Variants in WNT8B observed in about 807,000 individuals in gnomAD.
The protein encoded by WNT8B is protein Wnt-8b.
A neutral mutation model predicts 36.6 loss-of-function variants in WNT8B; 24 were observed. The ratio of observed to expected loss-of-function variants is 0.66; its 90% CI spans 0.48 to 0.92. WNT8B has a LOEUF of 0.92. WNT8B is among the 40% of genes least tolerant of loss of function. The pLI, the probability that WNT8B is intolerant of heterozygous loss-of-function variation, is 0.00. For synonymous variants in WNT8B, 199 were observed against 189.8 expected (o/e 1.05, Z -0.40); for missense variants, 402 against 470.8 (o/e 0.85, Z 1.35).
intron 1 of WNT8B, among the ~76,000 whole-genome samples, chr10:100,466,947 A>T (rs1185812058): frequency 6.6e-6 from 1 of 151,594 alleles, no homozygotes; most frequent in East Asian, 1.9e-4. Context: ...AATTTTTCTT[A>T]GGATAAATCT....
intron 1 of WNT8B, among the ~76,000 whole-genome samples, chr10:100,464,815 A>G (rs1024772106): frequency 5.9e-5 from 9 of 152,254 alleles, no homozygotes; most frequent in Admixed American, 5.2e-4. Context: ...GCTTTTTCCT[A>G]TAAGCCCCAA....
chr10:100,480,859 AAAT>A (rs1851101027), intron 3 of WNT8B, 136 bp from the exon 4 acceptor site: 1 of 1,073,182 alleles, frequency 9.3e-7, no homozygotes, highest in South Asian at 1.8e-5. Flanking sequence ...AAAAGTTAAA[AAAT>A]AATAATAAAG....
chr10:100,471,975 A>G (rs1460110941), intron 1 of WNT8B, among the ~76,000 whole-genome samples: 4 of 151,944 alleles, frequency 2.6e-5, no homozygotes, highest in Middle Eastern at 3.2e-3. Flanking sequence ...TGGGCAGATC[A>G]CTTGAGGTCA....
At chr10:100,479,795 C>T in intron 2 of WNT8B, 79 bp from the exon 3 acceptor site, 6 of 1,538,126 alleles carry the variant, frequency 3.9e-6, no homozygotes, top group Non-Finnish European at 5.3e-6. Context: ...GGAGAGTGAG[C>T]AGGAAGAGGG....
At chr10:100,480,644 G>A (rs995857403) in intron 3 of WNT8B, among the ~76,000 whole-genome samples, 1 of 152,254 alleles carries the variant, frequency 6.6e-6, no homozygotes, top group South Asian at 2.1e-4. Context: ...GACCTGAAAA[G>A]ACAGGAGGTG....
chr10:100,480,848 T>A lies in WNT8B; in HGVS notation c.242-150T>A, dbSNP rs1452447423. 3.0e-6 allele frequency: 3 copies of A among 1,007,542 alleles called. No individual in the cohort carries two copies. In the East Asian group the frequency reaches 8.3e-5, roughly 28 times the overall value. 62.4% of individuals were successfully genotyped at this position (1,007,542 alleles called of 1,614,324 possible). On this transcript the variant is annotated intron_variant, in intron 3 of 5. Coordinates refer to ENST00000343737, the MANE Select transcript of WNT8B (RefSeq NM_003393.4). ...GTGAGACCGACTCTCTGCAAAAAAA[T>A]AAAAGTTAAAAAATAATAATAAAGA...
intron 2 of WNT8B, 114 bp from the exon 3 acceptor site, chr10:100,479,760 C>A: frequency 7.5e-7 from 1 of 1,332,318 alleles, no homozygotes; most frequent in Non-Finnish European, 1.0e-6. Context: ...TATTTAAAGG[C>A]TTACTCCATT....
rs1851147231 is a variant in WNT8B at position 100,483,474 on chromosome 10, TATCATGA to T, written c.*661_*667del. On this transcript the variant is annotated 3_prime_UTR_variant, in exon 6 of 6. Transcript: ENST00000343737. ...GGTGCTACTCATCCCTATGGTATCA[TATCATGA>T]ATGGACTTTACTAGTGGGGCAATGA... is the stretch of plus-strand genomic sequence containing the variant. 1 of 152,194 alleles carries T rather than the reference TATCATGA, an allele frequency of 6.6e-6. No homozygotes were observed. Among genetic ancestry groups the T allele is most frequent in the South Asian group, 2.1e-4 (1 of 4,834 alleles). 9.4% of individuals were successfully genotyped at this position (152,194 alleles called of 1,614,324 possible). A position where few individuals can be genotyped will look rare whatever the true frequency, so the allele number is the denominator to read the frequency against.
At chr10:100,475,004 G>A (rs1487051102) in intron 1 of WNT8B, among the ~76,000 whole-genome samples, 1 of 152,134 alleles carries the variant, frequency 6.6e-6, no homozygotes, top group Non-Finnish European at 1.5e-5. Flanking sequence ...ACTTTGGGAT[G>A]TCAAGGTGGG....
At chr10:100,480,114 C>G (rs771534114) in intron 3 of WNT8B, 102 bp downstream of exon 3, 4 of 1,384,470 alleles carry the variant, frequency 2.9e-6, no homozygotes, top group African/African-American at 2.9e-5. Context: ...CTCACCTGCT[C>G]TCTTCTCTTA....
At position 100,479,066 on chromosome 10, in the gene WNT8B, T is replaced by A; in HGVS notation, c.83T>A (p.Phe28Tyr). The A allele has an allele frequency of 6.2e-7, 1 of 1,602,400 alleles. No homozygotes were observed. Among genetic ancestry groups the A allele is most frequent in the Non-Finnish European group, 8.5e-7 (1 of 1,177,360 alleles). The change falls in exon 2 of 6, where the codon TTC becomes TAC. Residue 28 changes from phenylalanine to tyrosine, a missense_variant. Physicochemically the swap from Phe to Tyr is conservative, Grantham distance 22. Transcript: ENST00000343737. ...TTCCCTTATAGGTCGGTGAACAATTTCCTGATGACTGGTCCAAAGGTAAGA... is the reference window on the plus strand; with the variant it reads ...TTCCCTTATAGGTCGGTGAACAATTACCTGATGACTGGTCCAAAGGTAAGA... Reference protein sequence around the residue: ...QLSHSWSVNNFLMTGPKAYLI... With the variant: ...QLSHSWSVNNYLMTGPKAYLI...
At chr10:100,463,294 G>C in intron 1 of WNT8B, 58 bp downstream of exon 1, 1 of 1,523,548 alleles carries the variant, frequency 6.6e-7, no homozygotes, top group Non-Finnish European at 9.0e-7. Flanking sequence ...GTAATGTGTT[G>C]GGTAAAGCTC....
At chr10:100,471,923 G>A (rs886740300) in intron 1 of WNT8B, among the ~76,000 whole-genome samples, 2 of 151,842 alleles carry the variant, frequency 1.3e-5, no homozygotes, top group East Asian at 2.0e-4. Context: ...TGCCGGGCGC[G>A]GTGGCTCATC....
In WNT8B at chr10:100,468,751, C is replaced by T. The variant is rs139287016; in HGVS notation, c.68+5515C>T. ...GCAGGGAAAAAGATGATCCCCCGAA[C>T]ATTTGTGCTTTGCTTGTGAAGGAAT... On this transcript the variant is annotated intron_variant, in intron 1 of 5. Transcript: ENST00000343737. Among the ~76,000 whole-genome samples, 113 of 152,334 alleles carry T rather than the reference C, an allele frequency of 7.4e-4. 2 individuals are homozygous for T. Among genetic ancestry groups the T allele is most frequent in the Non-Finnish European group, 2.1e-4 (14 of 68,032 alleles).
chr10:100,469,164 C>T (rs533175215), intron 1 of WNT8B, among the ~76,000 whole-genome samples: 1 of 152,234 alleles, frequency 6.6e-6, no homozygotes, highest in African/African-American at 2.4e-5. Context: ...TCTTTCTATA[C>T]TCATCTTGAA....
intron 1 of WNT8B, among the ~76,000 whole-genome samples, chr10:100,464,086 C>T (rs1415155547): frequency 6.6e-6 from 1 of 152,120 alleles, no homozygotes; most frequent in Non-Finnish European, 1.5e-5. Flanking sequence ...CTCATTTTGA[C>T]CATCTATTTA....
chr10:100,468,269 C>T (rs574909631), intron 1 of WNT8B, among the ~76,000 whole-genome samples: 11 of 152,342 alleles, frequency 7.2e-5, no homozygotes, highest in African/African-American at 2.4e-4. Flanking sequence ...TTAAGCTGTT[C>T]ACCTAGTTAT....
chr10:100,469,613 G>A (rs1850951923), intron 1 of WNT8B, among the ~76,000 whole-genome samples: 1 of 152,142 alleles, frequency 6.6e-6, no homozygotes, highest in African/African-American at 2.4e-5. Flanking sequence ...ATCCCCTCAG[G>A]TATTATCAGA....
intron 1 of WNT8B, among the ~76,000 whole-genome samples, chr10:100,472,819 G>A (rs940890993): frequency 6.6e-5 from 10 of 152,140 alleles, no homozygotes; most frequent in Admixed American, 6.5e-4. Context: ...CTTTGCTAAA[G>A]GTTTGATTAT....
Sources: gnomAD v4.1 joint callset for allele counts (sites outside exome capture counted in the v4.1 genomes callset) on GRCh38, gnomAD v4.1.1 for gene constraint, MANE v1.5 for transcripts, NCBI Gene and HGNC (gene_info 2026-07-23, HGNC 2026-07-21) for gene names.